The following TMEM59 variants were observed in gnomAD, a reference collection of about 807,000 sequenced individuals.
TMEM59 encodes the protein transmembrane protein 59.
Under a neutral mutation model 42.2 loss-of-function variants are expected in TMEM59, and 44 were observed. The observed-to-expected ratio is 1.04, with a 90% confidence interval of 0.82 to 1.34. The LOEUF is 1.34. Ranked by LOEUF, TMEM59 falls within the 40% of genes most tolerant of loss-of-function variation. TMEM59 has a pLI of 0.00. For synonymous variants in TMEM59, 148 were observed against 145.8 expected (o/e 1.02, Z -0.11); for missense variants, 359 against 382.8 (o/e 0.94, Z 0.52).
Position 54,040,748 on chromosome 1 carries a change from A to G in TMEM59, c.707+8T>C. 6.2e-7 allele frequency: 1 copy of G among 1,604,316 alleles called. No homozygotes were observed. The highest frequency in any genetic ancestry group is 8.5e-7 in the Non-Finnish European group (1 of 1,171,216). Reference sequence around the variant, plus strand: ...TCTGTTATACACATAATAAAGAGGAATACATACAGAGAGAGGCATCTTAAA... The same window carrying G: ...TCTGTTATACACATAATAAAGAGGAGTACATACAGAGAGAGGCATCTTAAA... On this transcript the variant is annotated splice_region_variant and intron_variant, in intron 6 of 7. Transcript: ENST00000234831.
At chr1:54,042,872 T>G (rs1384875229) in intron 4 of TMEM59, among the ~76,000 whole-genome samples, 1 of 152,134 alleles carries the variant, frequency 6.6e-6, no homozygotes, top group African/African-American at 2.4e-5. Context: ...CAATATAACC[T>G]CCAGGGAATA....
rs1438098705 is a variant in TMEM59, at chr1:54,033,666, TC to T, written c.817-1362del. 5.5e-5 allele frequency: 8 copies of T among 146,432 alleles called. No individual in the cohort carries two copies. The East Asian group carries it at 1.7e-3, about 30-fold the overall frequency. 9.1% of individuals were successfully genotyped at this position (146,432 alleles called of 1,614,324 possible). A position where few individuals can be genotyped will look rare whatever the true frequency, so the allele number is the denominator to read the frequency against. On this transcript the variant is annotated intron_variant, in intron 7 of 7. Coordinates refer to ENST00000234831, the MANE Select transcript of TMEM59 (RefSeq NM_004872.5). ...GTTAATCTACTCATACGGCAACAAA[TC>T]CCTGTATCCAAAAGTTAGAAACTGA...
At position 54,040,665 on chromosome 1, in the gene TMEM59, G is replaced by A. The variant is rs572873764; in HGVS notation, c.707+91C>T. The A allele has an allele frequency of 1.1e-4, 102 of 941,826 alleles. No homozygotes were observed. In the East Asian group the frequency reaches 1.6e-3, roughly 15 times the overall value. The allele number at this position is 941,826 out of a possible 1,614,324, so 58.3% of individuals were successfully genotyped here. On this transcript the variant is annotated intron_variant, in intron 6 of 7. Coordinates refer to ENST00000234831, the MANE Select transcript of TMEM59 (RefSeq NM_004872.5). ...AACAAGTAAAAAGGTTTACTTTTGAGGTGCTAATTTTAAAATAATAAAAAG... is the reference window on the plus strand; with the variant it reads ...AACAAGTAAAAAGGTTTACTTTTGAAGTGCTAATTTTAAAATAATAAAAAG...
At chr1:54,048,044 C>T (rs558672567) in intron 1 of TMEM59, 1 of 152,254 alleles carries the variant, frequency 6.6e-6, no homozygotes, top group Non-Finnish European at 1.5e-5. Context: ...AGCAAGTACC[C>T]TAGGACCAAT....
At chr1:54,036,473 A>G in intron 7 of TMEM59, 137 bp downstream of exon 7, 1 of 576,660 alleles carries the variant, frequency 1.7e-6, no homozygotes, top group African/African-American at 1.9e-5. Flanking sequence ...ATGTGTGCCA[A>G]CCTCTACCAC....
At position 54,045,686 on chromosome 1, in the gene TMEM59, T is replaced by A; in HGVS notation, c.390+6A>T. ...GGCTAGTTTGAAAGGCAGTATTGTT[T>A]CGTACTTGTTCTTGTCTCAGTTCAG... On this transcript the variant is annotated splice_donor_region_variant and intron_variant, in intron 3 of 7. Transcript: ENST00000234831. 6.2e-7 allele frequency: 1 copy of A among 1,614,052 alleles called. No individual in the cohort carries two copies. Among genetic ancestry groups the A allele is most frequent in the East Asian group, 2.2e-5 (1 of 44,870 alleles).
chr1:54,049,310 T>A (rs1657449166), intron 1 of TMEM59, among the ~76,000 whole-genome samples: 2 of 152,306 alleles, frequency 1.3e-5, no homozygotes, highest in South Asian at 4.1e-4. Flanking sequence ...AATTGCAGAG[T>A]GTCAATCTTC....
rs1656658407 is a variant in TMEM59 at position 54,028,136 on chromosome 1, T to C, written c.*4014A>G. On this transcript the variant is annotated 3_prime_UTR_variant, in exon 8 of 8. Coordinates refer to ENST00000234831, the MANE Select transcript of TMEM59 (RefSeq NM_004872.5). ...AAACGTAGAATTAAGAGGATGGTGA[T>C]AAGAAACCAGGGATCCATGGGGCAG... is the stretch of plus-strand genomic sequence containing the variant. 1 of 152,162 alleles carries C rather than the reference T, an allele frequency of 6.6e-6. No individual in the cohort carries two copies. Among genetic ancestry groups the C allele is most frequent in the South Asian group, 2.1e-4 (1 of 4,828 alleles). The allele number at this position is 152,162 out of a possible 1,614,324, so 9.4% of individuals were successfully genotyped here.
chr1:54,036,332 C>T (rs913361265), intron 7 of TMEM59, among the ~76,000 whole-genome samples: 1 of 151,654 alleles, frequency 6.6e-6, no homozygotes, highest in East Asian at 1.9e-4. Flanking sequence ...CTGATGTCAA[C>T]AGGTCTTTTC....
intron 6 of TMEM59, among the ~76,000 whole-genome samples, chr1:54,037,758 G>GGAACTC: frequency 6.6e-6 from 1 of 152,214 alleles, no homozygotes; most frequent in Middle Eastern, 3.4e-3. Context: ...CTAAAAGCAG[G>GGAACTC]GAACTCCCAT....
intron 3 of TMEM59, chr1:54,045,419 G>A (rs573991529): frequency 2.7e-6 from 1 of 371,254 alleles, no homozygotes; most frequent in Admixed American, 4.4e-5. Context: ...TCTGAGCCTT[G>A]GTTTTTTCAT....
At position 54,045,687 on chromosome 1, in the gene TMEM59, C is replaced by CGTA; in HGVS notation, c.390+2_390+4dup. 6.2e-7 allele frequency: 1 copy of CGTA among 1,613,974 alleles called. No homozygotes were observed. Among genetic ancestry groups the CGTA allele is most frequent in the Non-Finnish European group, 8.5e-7 (1 of 1,179,878 alleles). On this transcript the variant is annotated splice_donor_region_variant and intron_variant, in intron 3 of 7. Transcript: ENST00000234831. ...GCTAGTTTGAAAGGCAGTATTGTTT[C>CGTA]GTACTTGTTCTTGTCTCAGTTCAGC...
At chr1:54,036,475 C>T (rs1656953307) in intron 7 of TMEM59, 135 bp downstream of exon 7, 1 of 586,212 alleles carries the variant, frequency 1.7e-6, no homozygotes, top group East Asian at 3.2e-5. Flanking sequence ...GTGTGCCAAC[C>T]TCTACCACAT....
At chr1:54,048,009 T>C (rs1193685198) in intron 1 of TMEM59, 1 of 152,396 alleles carries the variant, frequency 6.6e-6, no homozygotes, top group Non-Finnish European at 1.5e-5. Flanking sequence ...GTGATATAAC[T>C]AGAACTTTAA....
At chr1:54,041,198 A>C (rs1052005831) in intron 5 of TMEM59, among the ~76,000 whole-genome samples, 1 of 152,226 alleles carries the variant, frequency 6.6e-6, no homozygotes, top group Non-Finnish European at 1.5e-5. Flanking sequence ...TAATTAAATC[A>C]GTATCTAAAA....
intron 6 of TMEM59, among the ~76,000 whole-genome samples, chr1:54,039,693 C>G (rs1258685076): frequency 6.6e-6 from 1 of 152,224 alleles, no homozygotes; most frequent in Admixed American, 6.5e-5. Context: ...GAACAGTCCA[C>G]TAGAATGAAC....
upstream of TMEM59, chr1:54,053,314 G>T: frequency 1.7e-6 from 2 of 1,203,028 alleles, no homozygotes; most frequent in African/African-American, 1.5e-5. Context: ...TGTCACTTCA[G>T]CTCCGCCCTC....
intron 1 of TMEM59, chr1:54,048,634 A>T (rs1166187998): frequency 7.1e-6 from 3 of 425,012 alleles, no homozygotes; most frequent in Non-Finnish European, 1.5e-5. Flanking sequence ...CATATGGGGG[A>T]GCCCCCTCGA....
intron 6 of TMEM59, 151 bp downstream of exon 6, chr1:54,040,605 C>T (rs1432724409): frequency 1.6e-6 from 1 of 618,428 alleles, no homozygotes; most frequent in Admixed American, 3.3e-5. Context: ...ACCTTTTAAA[C>T]AAACTAAAAT....
Sources: allele counts gnomAD v4.1 joint callset (sites outside exome capture counted in the v4.1 genomes callset), GRCh38; gene constraint gnomAD v4.1.1; transcripts MANE v1.5; gene names NCBI Gene and HGNC (gene_info 2026-07-23, HGNC 2026-07-21).